STX8: variants seen among roughly 807,000 people sequenced by gnomAD.
STX8 encodes syntaxin 8.
STX8 carries 23 observed loss-of-function variants against 37.5 expected under a neutral mutation model. The observed-to-expected ratio is 0.61, with a 90% CI of 0.44 to 0.87. The LOEUF is 0.87. STX8 is among the 40% of genes least tolerant of loss of function. The pLI is 0.00. For synonymous variants in STX8, 115 were observed against 99.1 expected (o/e 1.16, Z -0.95); for missense variants, 313 against 284.7 (o/e 1.10, Z -0.71).
intron 6 of STX8, among the ~76,000 whole-genome samples, chr17:9,420,068 A>C (rs990278017): frequency 1.3e-5 from 2 of 152,222 alleles, no homozygotes; most frequent in African/African-American, 4.8e-5. Context: ...TAGATGAATT[A>C]GTCACACATC....
intron 7 of STX8, among the ~76,000 whole-genome samples, chr17:9,257,671 C>A (rs956352428): frequency 6.6e-6 from 1 of 151,960 alleles, no homozygotes; most frequent in African/African-American, 2.4e-5. Flanking sequence ...CTGCCTACTA[C>A]TATTTTGGTT....
At chr17:9,440,691 A>AT (rs1904614665) in intron 6 of STX8, among the ~76,000 whole-genome samples, 3 of 151,900 alleles carry the variant, frequency 2.0e-5, no homozygotes, top group Admixed American at 6.6e-5. Flanking sequence ...CGCTCAGCTA[A>AT]TTTTTGTATT....
chr17:9,544,728 C>T (rs1034655412), intron 4 of STX8, among the ~76,000 whole-genome samples: 1 of 152,206 alleles, frequency 6.6e-6, no homozygotes, highest in African/African-American at 2.4e-5. Context: ...CGCAGTGGCT[C>T]ACACCTGTAA....
intron 7 of STX8, among the ~76,000 whole-genome samples, chr17:9,366,063 T>C (rs1419726393): frequency 6.6e-6 from 1 of 152,200 alleles, no homozygotes; most frequent in Non-Finnish European, 1.5e-5. Context: ...ATAGGTTCCA[T>C]GATCTGGTCC....
At chr17:9,522,181 GA>G (rs1160079034) in intron 4 of STX8, among the ~76,000 whole-genome samples, 2 of 151,916 alleles carry the variant, frequency 1.3e-5, no homozygotes, top group Admixed American at 6.6e-5. Context: ...AAAAGTAGAA[GA>G]GGGGCAAAAA....
intron 6 of STX8, among the ~76,000 whole-genome samples, chr17:9,449,575 A>T (rs989400102): frequency 1.4e-5 from 2 of 146,770 alleles, no homozygotes; most frequent in African/African-American, 4.9e-5. Flanking sequence ...ATAAATAAAC[A>T]AACAAACAAA....
At chr17:9,365,165 A>AT (rs1016275808) in intron 7 of STX8, among the ~76,000 whole-genome samples, 6 of 152,130 alleles carry the variant, frequency 3.9e-5, no homozygotes, top group South Asian at 2.1e-4. Flanking sequence ...CCCACATGGT[A>AT]TTTTTTTTAT....
chr17:9,564,356 G>A (rs1907374089), intron 2 of STX8, among the ~76,000 whole-genome samples: 1 of 151,820 alleles, frequency 6.6e-6, no homozygotes, highest in East Asian at 1.9e-4. Context: ...AGAAAAGAAA[G>A]AGAGAGAGGA....
chr17:9,466,749 A>G (rs1905628862), intron 6 of STX8, among the ~76,000 whole-genome samples: 1 of 152,210 alleles, frequency 6.6e-6, no homozygotes. Flanking sequence ...TGGTGTGGCC[A>G]GGCAGCTCCA....
chr17:9,532,261 C>T lies in STX8; in HGVS notation c.323+12911G>A, dbSNP rs190039619. ...ATAACCTAAAAACTTCGAATAGCTA[C>T]TCTGTCAAGTTCGAAGGTAGTTTCA... is the stretch of plus-strand genomic sequence containing the variant. On this transcript the variant is annotated intron_variant, in intron 4 of 7. Transcript: ENST00000306357. Among the ~76,000 whole-genome samples, 6 of 152,216 alleles carry T rather than the reference C, an allele frequency of 3.9e-5. No homozygotes were observed. The East Asian group carries it at 1.2e-3, about 29-fold the overall frequency.
At chr17:9,528,617 T>C (rs1046093483) in intron 4 of STX8, among the ~76,000 whole-genome samples, 2 of 152,152 alleles carry the variant, frequency 1.3e-5, no homozygotes, top group Non-Finnish European at 2.9e-5. Flanking sequence ...TTTTTTGACT[T>C]GTTATAATGT....
chr17:9,559,760 A>ATATATATATATATATTTTTTT, intron 2 of STX8, among the ~76,000 whole-genome samples: 2 of 24,488 alleles, frequency 8.2e-5, no homozygotes, highest in African/African-American at 1.9e-4. Flanking sequence ...ATATATATAT[A>ATATATATATATATATTTTTTT]TTTTTTTTTT....
At chr17:9,324,182 C>T (rs1022899206) in intron 7 of STX8, among the ~76,000 whole-genome samples, 2 of 150,782 alleles carry the variant, frequency 1.3e-5, no homozygotes, top group East Asian at 2.0e-4. Flanking sequence ...TCCAGTTGTA[C>T]GTGTATGTAC....
chr17:9,271,153 T>C (rs947662358), intron 7 of STX8, among the ~76,000 whole-genome samples: 4 of 152,208 alleles, frequency 2.6e-5, no homozygotes, highest in African/African-American at 9.6e-5. Context: ...CTGAAGAGAC[T>C]GTTAGAAATG....
intron 7 of STX8, among the ~76,000 whole-genome samples, chr17:9,255,108 G>T (rs1906739171): frequency 6.6e-6 from 1 of 152,138 alleles, no homozygotes; most frequent in Admixed American, 6.5e-5. Flanking sequence ...GCGCATGGTG[G>T]GTGGGTCTAG....
chr17:9,408,971 C>T (rs1356058653), intron 6 of STX8, among the ~76,000 whole-genome samples: 1 of 152,058 alleles, frequency 6.6e-6, no homozygotes, highest in Non-Finnish European at 1.5e-5. Context: ...TCAGGCCAAG[C>T]CACAAACTGG....
intron 6 of STX8, among the ~76,000 whole-genome samples, chr17:9,418,532 C>CA (rs1211845780): frequency 0.035 from 4,329 of 122,612 alleles, 187 homozygotes; most frequent in African/African-American, 0.11. Flanking sequence ...AAAAAAAAAA[C>CA]AAAAAAAAAA....
At chr17:9,322,277 C>A (rs1025136487) in intron 7 of STX8, among the ~76,000 whole-genome samples, 3 of 152,204 alleles carry the variant, frequency 2.0e-5, no homozygotes, top group African/African-American at 4.8e-5. Flanking sequence ...GGGCTCACTG[C>A]CGGAATAACC....
At chr17:9,310,485 AT>A (rs1187794435) in intron 7 of STX8, among the ~76,000 whole-genome samples, 1 of 152,170 alleles carries the variant, frequency 6.6e-6, no homozygotes. Flanking sequence ...TAAAGTGAAG[AT>A]CTGCTTTGTG....
Sources: gnomAD v4.1 joint callset for allele counts (sites outside exome capture counted in the v4.1 genomes callset) on GRCh38, gnomAD v4.1.1 for gene constraint, MANE v1.5 for transcripts, NCBI Gene and HGNC (gene_info 2026-07-23, HGNC 2026-07-21) for gene names.